Variants in STK24 observed in about 807,000 individuals in gnomAD.
STK24 encodes serine/threonine-protein kinase 24.
Under a neutral mutation model 55.6 loss-of-function variants are expected in STK24, and 21 were observed. That is an observed-to-expected ratio of 0.38 (90% CI 0.27 to 0.54). The LOEUF is 0.54. Ranked by LOEUF, STK24 falls within the 20% of genes least tolerant of loss-of-function variation. The pLI, the probability that STK24 is intolerant of heterozygous loss-of-function variation, is 0.79. For missense variants in STK24, 383 were observed against 538.4 expected, an observed-to-expected ratio of 0.71 and a Z score of 2.86; for synonymous variants, 200 against 215.2, an observed-to-expected ratio of 0.93 and a Z score of 0.62.
At chr13:98,479,259 T>C (rs1213969118) in intron 3 of STK24, among the ~76,000 whole-genome samples, 7 of 152,252 alleles carry the variant, frequency 4.6e-5, no homozygotes, top group Admixed American at 2.6e-4. Context: ...TGGGATCATA[T>C]AGACACTTAA....
At chr13:98,466,261 T>A in intron 6 of STK24, 115 bp downstream of exon 6, 1 of 1,027,928 alleles carries the variant, frequency 9.7e-7, no homozygotes, top group Non-Finnish European at 1.3e-6. Flanking sequence ...AAAAGAAAAA[T>A]GAATAATACC....
intron 2 of STK24, among the ~76,000 whole-genome samples, chr13:98,499,905 A>G (rs530636960): frequency 6.6e-6 from 1 of 152,336 alleles, no homozygotes; most frequent in South Asian, 2.1e-4. Context: ...TGAGACAAAA[A>G]GATTTCAGGA....
chr13:98,524,782 C>T lies in STK24; in HGVS notation c.43-5309G>A, dbSNP rs115577963. On this transcript the variant is annotated intron_variant, in intron 1 of 10. Transcript: ENST00000539966. ...ATTCTGGAATGTTTTAGTAACCTGC[C>T]TGTTTTCCTTTTGCCTGGACCAAGA... 8.3e-3 allele frequency among the ~76,000 whole-genome samples: 1,263 copies of T among 152,346 alleles called. 24 individuals are homozygous for T. Among genetic ancestry groups the T allele is most frequent in the African/African-American group, 0.028 (1,165 of 41,580 alleles).
At chr13:98,548,901 A>AG (rs1191944732) in intron 1 of STK24, among the ~76,000 whole-genome samples, 3 of 150,452 alleles carry the variant, frequency 2.0e-5, no homozygotes, top group Admixed American at 6.6e-5. Context: ...GTAAATGACT[A>AG]GATCTACCAT....
At chr13:98,535,497 T>G (rs1184034498) in intron 1 of STK24, among the ~76,000 whole-genome samples, 1 of 150,980 alleles carries the variant, frequency 6.6e-6, no homozygotes, top group Admixed American at 6.6e-5. Context: ...CCTCCTTTAT[T>G]AAAATCAAAA....
intron 1 of STK24, among the ~76,000 whole-genome samples, chr13:98,564,967 G>C (rs1476101507): frequency 6.6e-6 from 1 of 152,162 alleles, no homozygotes; most frequent in Non-Finnish European, 1.5e-5. Flanking sequence ...AAATCGCAAA[G>C]GCTCTAATGA....
intron 1 of STK24, among the ~76,000 whole-genome samples, chr13:98,536,389 G>T (rs1381805217): frequency 6.6e-6 from 1 of 151,724 alleles, no homozygotes; most frequent in African/African-American, 2.4e-5. Context: ...CCAAGAGAAG[G>T]GATCTCTCCC....
At chr13:98,569,783 G>A (rs567273387) in intron 1 of STK24, among the ~76,000 whole-genome samples, 1 of 150,800 alleles carries the variant, frequency 6.6e-6, no homozygotes, top group East Asian at 1.9e-4. Context: ...GTGAGGAAAA[G>A]AGGCAAGCGG....
chr13:98,520,349 G>C (rs997512007), intron 1 of STK24, among the ~76,000 whole-genome samples: 7 of 152,178 alleles, frequency 4.6e-5, no homozygotes, highest in African/African-American at 1.7e-4. Flanking sequence ...CCGGTGACAA[G>C]CACTAGCCTG....
chr13:98,463,919 C>A, intron 6 of STK24, 83 bp from the exon 7 acceptor site: 1 of 1,484,010 alleles, frequency 6.7e-7, no homozygotes, highest in South Asian at 1.3e-5. Flanking sequence ...CTCAAAATGT[C>A]AACCGCCACA....
At chr13:98,529,708 G>A (rs757223994) in intron 1 of STK24, among the ~76,000 whole-genome samples, 4 of 152,068 alleles carry the variant, frequency 2.6e-5, no homozygotes, top group Non-Finnish European at 4.4e-5. Flanking sequence ...CAAACAGGGG[G>A]GTCCAGAGGC....
At chr13:98,454,854 G>C (rs1208874684) in intron 10 of STK24, 1 of 152,252 alleles carries the variant, frequency 6.6e-6, no homozygotes, top group African/African-American at 2.4e-5. Context: ...CTCATCTGAG[G>C]ACAGAGGAGG....
chr13:98,504,652 C>T (rs1895619629), intron 2 of STK24, among the ~76,000 whole-genome samples: 1 of 152,218 alleles, frequency 6.6e-6, no homozygotes, highest in Non-Finnish European at 1.5e-5. Flanking sequence ...CGGTGACTAT[C>T]TACACAGCAC....
At chr13:98,546,691 G>A (rs753536422) in intron 1 of STK24, among the ~76,000 whole-genome samples, 3 of 152,100 alleles carry the variant, frequency 2.0e-5, no homozygotes, top group Non-Finnish European at 2.9e-5. Context: ...CCCCTATCAC[G>A]GAAAGTCAAA....
In STK24 at chr13:98,482,114, A is replaced by C; in HGVS notation, c.330+151T>G. On this transcript the variant is annotated intron_variant, in intron 3 of 10. Coordinates refer to ENST00000539966, the MANE Select transcript of STK24 (RefSeq NM_001032296.4). ...CAATAATTTTTAGTGATATATAAGA[A>C]GCAAAAAAACACGTAAGGAATAGTT... The C allele has an allele frequency of 6.8e-6, 3 of 441,724 alleles. No homozygotes were observed. The South Asian group carries it at 1.9e-4, about 28-fold the overall frequency. 27.4% of individuals were successfully genotyped at this position (441,724 alleles called of 1,614,324 possible). A position where few individuals can be genotyped will look rare whatever the true frequency, so the allele number is the denominator to read the frequency against.
intron 2 of STK24, among the ~76,000 whole-genome samples, chr13:98,494,717 G>A (rs568166470): frequency 7.9e-5 from 12 of 152,198 alleles, no homozygotes; most frequent in African/African-American, 2.6e-4. Flanking sequence ...TTCTATTCCA[G>A]AAGGAACTGT....
chr13:98,558,429 G>C (rs1227072181), intron 1 of STK24, among the ~76,000 whole-genome samples: 2 of 152,124 alleles, frequency 1.3e-5, no homozygotes, highest in African/African-American at 2.4e-5. Flanking sequence ...CACCAGAGCG[G>C]TACAACACCA....
At chr13:98,461,961 G>T (rs368963516) in intron 7 of STK24, 64 bp from the exon 8 acceptor site, 2 of 1,594,144 alleles carry the variant, frequency 1.3e-6, no homozygotes, top group Non-Finnish European at 8.6e-7. Flanking sequence ...GCGCTGGGAC[G>T]TTCAGGGGGA....
chr13:98,566,432 GC>G (rs2139459528), intron 1 of STK24, among the ~76,000 whole-genome samples: 1 of 152,316 alleles, frequency 6.6e-6, no homozygotes, highest in Admixed American at 6.5e-5. Flanking sequence ...ACACATGCTG[GC>G]CTCCCAGTCA....
Sources: gnomAD v4.1 joint callset for allele counts (sites outside exome capture counted in the v4.1 genomes callset) on GRCh38, gnomAD v4.1.1 for gene constraint, MANE v1.5 for transcripts, NCBI Gene and HGNC (gene_info 2026-07-23, HGNC 2026-07-21) for gene names.